Variants in BBS4 observed in about 807,000 individuals in gnomAD.
BBS4 encodes the protein BBSome complex member BBS4.
In BBS4, 58 loss-of-function variants were observed where a neutral mutation model predicts 71.4. That is an observed-to-expected ratio of 0.81 (90% confidence interval 0.66 to 1.01). The LOEUF is 1.01. Among genes scored for constraint, BBS4 ranks in the 50% least tolerant of loss-of-function variants. BBS4 has a pLI of 0.00. For missense variants in BBS4, 660 were observed against 607.9 expected, an observed-to-expected ratio of 1.09 and a Z score of -0.90; for synonymous variants, 228 against 216.8, an observed-to-expected ratio of 1.05 and a Z score of -0.46.
intron 6 of BBS4, among the ~76,000 whole-genome samples, chr15:72,720,590 C>T (rs910512612): frequency 6.6e-6 from 1 of 152,050 alleles, no homozygotes; most frequent in Admixed American, 6.5e-5. Flanking sequence ...TTCCTCCTGC[C>T]ATTATCTTAG....
intron 2 of BBS4, among the ~76,000 whole-genome samples, chr15:72,706,975 C>T (rs1377666708): frequency 6.6e-6 from 1 of 152,016 alleles, no homozygotes; most frequent in African/African-American, 2.4e-5. Context: ...GCCAGTGTGT[C>T]TGGTTGTACC....
chr15:72,686,350 T>G (rs2064835668), intron 1 of BBS4, 99 bp downstream of exon 1: 1 of 1,542,706 alleles, frequency 6.5e-7, no homozygotes, highest in African/African-American at 1.4e-5. Context: ...GAGGCGGAGC[T>G]GGGTGCCGAG....
At chr15:72,719,973 G>A (rs563270393) in intron 6 of BBS4, among the ~76,000 whole-genome samples, 1 of 151,528 alleles carries the variant, frequency 6.6e-6, no homozygotes, top group South Asian at 2.1e-4. Context: ...CTGGTCTCGA[G>A]CTCCTGACGT....
Position 72,737,581 on chromosome 15 carries a change from G to GAAAT in BBS4, c.1557_1560dup, listed in dbSNP as rs1413618992. ...CTGAAACATCAGAACAAATAAGAGA[G>GAAAT]AAATAAGAATAGAATGAATGACCCC... On this transcript the variant is annotated frameshift_variant, in exon 16 of 16. Transcript: ENST00000268057. LOFTEE classifies it high-confidence loss of function. 1 of 1,604,474 alleles carries GAAAT rather than the reference G, an allele frequency of 6.2e-7. No homozygotes were observed. Among genetic ancestry groups the GAAAT allele is most frequent in the Non-Finnish European group, 8.5e-7 (1 of 1,174,908 alleles).
At chr15:72,736,370 T>C (rs566629177) in intron 14 of BBS4, among the ~76,000 whole-genome samples, 37 of 151,922 alleles carry the variant, frequency 2.4e-4, no homozygotes, top group African/African-American at 8.7e-4. Flanking sequence ...GCCTTCCAAG[T>C]AGCTGGGACT....
rs932211468 is a variant in BBS4 at position 72,738,431 on chromosome 15, G to C, written c.*844G>C. 11 of 380,158 alleles carry C rather than the reference G, an allele frequency of 2.9e-5. No individual in the cohort carries two copies. Among genetic ancestry groups the C allele is most frequent in the Non-Finnish European group, 5.1e-5 (10 of 196,032 alleles). 23.5% of individuals were successfully genotyped at this position (380,158 alleles called of 1,614,324 possible). ...TTCCTTTGGGGAAAATTGTTATTCAGGTATAAAAACAAGAGATCATAATAA... is the reference window on the plus strand; with the variant it reads ...TTCCTTTGGGGAAAATTGTTATTCACGTATAAAAACAAGAGATCATAATAA... On this transcript the variant is annotated 3_prime_UTR_variant, in exon 16 of 16. Transcript: ENST00000268057.
chr15:72,726,013 CCCTT>C (rs1567424283), intron 8 of BBS4, among the ~76,000 whole-genome samples: 1 of 135,924 alleles, frequency 7.4e-6, no homozygotes, highest in Admixed American at 7.5e-5. Context: ...CTCCCTCTCT[CCCTT>C]CCTTCCTTTT....
intron 3 of BBS4, among the ~76,000 whole-genome samples, chr15:72,710,045 G>A (rs931686272): frequency 1.3e-5 from 2 of 152,106 alleles, no homozygotes; most frequent in Non-Finnish European, 2.9e-5. Context: ...ACTGCAGGCT[G>A]TGGGTCAGGT....
chr15:72,698,365 G>T (rs1183322177), intron 2 of BBS4, among the ~76,000 whole-genome samples: 1 of 152,120 alleles, frequency 6.6e-6, no homozygotes, highest in East Asian at 1.9e-4. Flanking sequence ...CAGAAACACT[G>T]TACCCATTAA....
intron 2 of BBS4, among the ~76,000 whole-genome samples, chr15:72,699,016 T>G (rs1437634743): frequency 1.3e-5 from 2 of 152,226 alleles, no homozygotes; most frequent in African/African-American, 4.8e-5. Context: ...AGTGAATGAC[T>G]TTCATTGATT....
At chr15:72,733,409 A>G (rs1049749523) in intron 12 of BBS4, among the ~76,000 whole-genome samples, 8 of 152,238 alleles carry the variant, frequency 5.3e-5, no homozygotes, top group Middle Eastern at 3.4e-3. Context: ...TACTAAGCCT[A>G]GTACCCAATA....
intron 7 of BBS4, among the ~76,000 whole-genome samples, chr15:72,724,195 T>C (rs1018845786): frequency 1.2e-4 from 18 of 152,186 alleles, no homozygotes; most frequent in Admixed American, 1.2e-3. Flanking sequence ...GGGATTTAGT[T>C]TAGTGTAGTA....
chr15:72,725,055 TATAG>T (rs147081683), intron 8 of BBS4, among the ~76,000 whole-genome samples: 2,444 of 111,572 alleles, frequency 0.022, 25 homozygotes, highest in East Asian at 0.08. Context: ...TATATATATA[TATAG>T]AGAGAGAGAG....
chr15:72,729,597 T>C lies in BBS4; in HGVS notation c.643-19T>C. ...GTCTCCTTGCTGATGTAAATTGTCT[T>C]GTTTGCTTTTTTTCCAAGCTCGGCA... On this transcript the variant is annotated intron_variant, in intron 9 of 15. Coordinates refer to ENST00000268057, the MANE Select transcript of BBS4 (RefSeq NM_033028.5). The C allele has an allele frequency of 6.2e-7, 1 of 1,613,154 alleles. No individual in the cohort carries two copies. Among genetic ancestry groups the C allele is most frequent in the Non-Finnish European group, 8.5e-7 (1 of 1,179,254 alleles).
Position 72,737,860 on chromosome 15 carries a change from G to A in BBS4, c.*273G>A, listed in dbSNP as rs2065958397. ...CAGCAAGGCTTGAGGCCTTATGTATGTAGCTGAGTCAGCAAGGTACATGAT... is the reference window on the plus strand; with the variant it reads ...CAGCAAGGCTTGAGGCCTTATGTATATAGCTGAGTCAGCAAGGTACATGAT... On this transcript the variant is annotated 3_prime_UTR_variant, in exon 16 of 16. Coordinates refer to ENST00000268057, the MANE Select transcript of BBS4 (RefSeq NM_033028.5). The A allele has an allele frequency of 2.0e-6, 1 of 488,106 alleles. No individual in the cohort carries two copies. The highest frequency in any genetic ancestry group is 4.0e-6 in the Non-Finnish European group (1 of 249,178). 30.2% of individuals were successfully genotyped at this position (488,106 alleles called of 1,614,324 possible).
chr15:72,730,033 T>G (rs556608075), intron 10 of BBS4, among the ~76,000 whole-genome samples: 18 of 152,068 alleles, frequency 1.2e-4, no homozygotes, highest in African/African-American at 3.9e-4. Flanking sequence ...TCCCAGCACT[T>G]TGGGAGGCTG....
chr15:72,688,055 A>AG, intron 1 of BBS4, among the ~76,000 whole-genome samples: 1 of 98,948 alleles, frequency 1.0e-5, no homozygotes, highest in East Asian at 3.3e-4. Context: ...TCAAAAAAAA[A>AG]AAAAAAAAAA....
chr15:72,714,141 A>G (rs2065425464), intron 4 of BBS4, among the ~76,000 whole-genome samples: 1 of 152,056 alleles, frequency 6.6e-6, no homozygotes, highest in Non-Finnish European at 1.5e-5. Context: ...GGATGAGGGG[A>G]AGAAGCCTGG....
At chr15:72,710,789 G>GT (rs778363835) in intron 3 of BBS4, among the ~76,000 whole-genome samples, 5,560 of 146,472 alleles carry the variant, frequency 0.038, 148 homozygotes, top group South Asian at 0.064. Context: ...ATTCATACCA[G>GT]TTTTTTTTTT....
Sources: allele counts gnomAD v4.1 joint callset (sites outside exome capture counted in the v4.1 genomes callset), GRCh38; gene constraint gnomAD v4.1.1; transcripts MANE v1.5; gene names NCBI Gene and HGNC (gene_info 2026-07-23, HGNC 2026-07-21).